Variants in ABLIM1 observed in about 807,000 individuals in gnomAD.
ABLIM1 encodes the protein actin-binding LIM protein 1.
A neutral mutation model predicts 107.0 loss-of-function variants in ABLIM1; 40 were observed. The ratio of observed to expected loss-of-function variants is 0.37; its 90% CI spans 0.29 to 0.49. The LOEUF is 0.49. ABLIM1 is among the 20% of genes least tolerant of loss of function. ABLIM1 has a pLI of 0.97. For synonymous variants in ABLIM1, 357 were observed against 357.3 expected, an observed-to-expected ratio of 1.00 and a Z score of 0.01; for missense variants, 857 against 1,008.5, an observed-to-expected ratio of 0.85 and a Z score of 2.04.
chr10:114,585,297 G>A (rs1163490720), intron 2 of ABLIM1, among the ~76,000 whole-genome samples: 1 of 151,984 alleles, frequency 6.6e-6, no homozygotes, highest in African/African-American at 2.4e-5. Flanking sequence ...TACATACATG[G>A]ATGACAAGAT....
chr10:114,486,719 TC>T (rs1318934171), intron 8 of ABLIM1, among the ~76,000 whole-genome samples: 1 of 149,820 alleles, frequency 6.7e-6, no homozygotes, highest in Non-Finnish European at 1.5e-5. Context: ...TGTTTTTTTT[TC>T]CCCCTCAACT....
At chr10:114,604,966 A>C (rs2076308209) in intron 1 of ABLIM1, among the ~76,000 whole-genome samples, 1 of 152,228 alleles carries the variant, frequency 6.6e-6, no homozygotes, top group Non-Finnish European at 1.5e-5. Context: ...CAGCATCTGC[A>C]TTTTGCATAA....
chr10:114,501,335 A>G lies in ABLIM1; in HGVS notation c.895-9457T>C, dbSNP rs567930283. Among the ~76,000 whole-genome samples the G allele has an allele frequency of 9.2e-5, 14 of 152,332 alleles. No homozygotes were observed. The East Asian group carries it at 2.7e-3, about 29-fold the overall frequency. On this transcript the variant is annotated intron_variant, in intron 6 of 22. Transcript: ENST00000533213. ...CTCTAGAGACTGTCCAACAGAGCCAATGTTGTTTTCCCAGGCCTCAGGAGC... is the reference window on the plus strand; with the variant it reads ...CTCTAGAGACTGTCCAACAGAGCCAGTGTTGTTTTCCCAGGCCTCAGGAGC...
chr10:114,731,442 A>ATGTT (rs544185023), intron 1 of ABLIM1, among the ~76,000 whole-genome samples: 66 of 144,182 alleles, frequency 4.6e-4, no homozygotes, highest in South Asian at 9.0e-4. Context: ...ATGCCTAGAC[A>ATGTT]TGTTTGTTTG....
At chr10:114,543,566 G>A (rs976938823) in intron 6 of ABLIM1, among the ~76,000 whole-genome samples, 11 of 152,212 alleles carry the variant, frequency 7.2e-5, no homozygotes, top group Admixed American at 5.2e-4. Flanking sequence ...TCTACCTTTC[G>A]GCTGATGTGA....
At chr10:114,755,352 T>C (rs957138804) in intron 1 of ABLIM1, among the ~76,000 whole-genome samples, 1 of 152,178 alleles carries the variant, frequency 6.6e-6, no homozygotes, top group African/African-American at 2.4e-5. Context: ...AACCAGTCCC[T>C]GGTGCCAAAA....
At chr10:114,625,639 T>C (rs1478562436) in intron 1 of ABLIM1, among the ~76,000 whole-genome samples, 1 of 151,814 alleles carries the variant, frequency 6.6e-6, no homozygotes, top group Non-Finnish European at 1.5e-5. Flanking sequence ...GATAAATACA[T>C]AAAAGGGGGG....
At chr10:114,695,214 A>G (rs570097031) in intron 1 of ABLIM1, among the ~76,000 whole-genome samples, 1 of 152,334 alleles carries the variant, frequency 6.6e-6, no homozygotes, top group African/African-American at 2.4e-5. Flanking sequence ...ACAGCATAAT[A>G]CTTAAGTATC....
intron 4 of ABLIM1, among the ~76,000 whole-genome samples, chr10:114,566,830 C>T (rs1215127424): frequency 1.3e-5 from 2 of 152,202 alleles, no homozygotes; most frequent in Admixed American, 6.5e-5. Flanking sequence ...GGGCAGATCA[C>T]TTGAGGTCGG....
At chr10:114,595,734 C>T (rs1012471304) in intron 2 of ABLIM1, among the ~76,000 whole-genome samples, 3 of 152,168 alleles carry the variant, frequency 2.0e-5, no homozygotes, top group African/African-American at 7.2e-5. Context: ...AATTACCACC[C>T]GGGTACATTT....
intron 2 of ABLIM1, among the ~76,000 whole-genome samples, chr10:114,589,650 C>A (rs769844162): frequency 3.9e-5 from 6 of 152,116 alleles, no homozygotes; most frequent in Non-Finnish European, 8.8e-5. Flanking sequence ...TCACTTGATC[C>A]TCCTGCCTCA....
rs544897562 is a variant in ABLIM1, at chr10:114,690,123, A to G, written c.-213+77938T>C. On this transcript the variant is annotated intron_variant, in intron 1 of 15. Coordinates refer to the ABLIM1 transcript ENST00000651092. The stretch of plus-strand genomic sequence containing the variant: ...TACAAAAGGAAGGGTCTGGTGGTTA[A>G]GATAAAACACAAGTCAAACTTATTC... The G allele has an allele frequency of 4.2e-4, 536 of 1,265,856 alleles. No homozygotes were observed. The African/African-American group carries it at 7.1e-3, about 17-fold the overall frequency. 78.4% of individuals were successfully genotyped at this position (1,265,856 alleles called of 1,614,324 possible).
chr10:114,471,059 AT>A (rs1041814134), intron 10 of ABLIM1, among the ~76,000 whole-genome samples: 2 of 151,190 alleles, frequency 1.3e-5, no homozygotes, highest in African/African-American at 2.4e-5. Flanking sequence ...TAATTTTTGT[AT>A]TTTTTTTCTG....
At chr10:114,485,325 C>T (rs367988750) in intron 8 of ABLIM1, 10 of 1,612,876 alleles carry the variant, frequency 6.2e-6, no homozygotes, top group Admixed American at 1.7e-5. Flanking sequence ...TCCTGTGCGT[C>T]GAATCAGACT....
At chr10:114,541,175 T>G (rs1000251351) in intron 6 of ABLIM1, among the ~76,000 whole-genome samples, 1 of 151,888 alleles carries the variant, frequency 6.6e-6, no homozygotes, top group African/African-American at 2.4e-5. Flanking sequence ...GAAAGGCCCT[T>G]CACTAGAGCC....
chr10:114,496,197 A>T (rs2059642370), intron 6 of ABLIM1, among the ~76,000 whole-genome samples: 1 of 152,192 alleles, frequency 6.6e-6, no homozygotes, highest in African/African-American at 2.4e-5. Context: ...ATCAACTTAT[A>T]AGAGTTCTAT....
In ABLIM1 at chr10:114,690,509, T is replaced by C. The variant is rs576534933; in HGVS notation, c.-213+77552A>G. 1.3e-3 allele frequency: 1,863 copies of C among 1,488,288 alleles called. 39 individuals are homozygous for C. In the South Asian group the frequency reaches 0.02, roughly 16 times the overall value. 92.2% of individuals were successfully genotyped at this position (1,488,288 alleles called of 1,614,324 possible). A position where few individuals can be genotyped will look rare whatever the true frequency, so the allele number is the denominator to read the frequency against. On this transcript the variant is annotated intron_variant, in intron 1 of 15. Coordinates refer to the ABLIM1 transcript ENST00000651092. ...AGCGGGAGCCCTTACAACCAAATCC[T>C]TTCTCTCCCATGCCCAGAACACGAA...
At chr10:114,606,571 G>C (rs2076429522) in intron 1 of ABLIM1, among the ~76,000 whole-genome samples, 1 of 152,068 alleles carries the variant, frequency 6.6e-6, no homozygotes. Context: ...TGGGTCATCT[G>C]AAATACTCAG....
At chr10:114,769,737 T>C (rs527677415), upstream of ABLIM1, among the ~76,000 whole-genome samples, 4 of 152,090 alleles carry the variant, frequency 2.6e-5, no homozygotes, top group Non-Finnish European at 2.9e-5. Flanking sequence ...TGATGGATAA[T>C]TGAGCATTGT....
Sources: gnomAD v4.1 joint callset for allele counts (sites outside exome capture counted in the v4.1 genomes callset) on GRCh38, gnomAD v4.1.1 for gene constraint, MANE v1.5 for transcripts, NCBI Gene and HGNC (gene_info 2026-07-23, HGNC 2026-07-21) for gene names.